Variants in ARHGDIA observed in about 807,000 individuals in gnomAD.
ARHGDIA encodes Rho GDP dissociation inhibitor alpha.
Under a neutral mutation model 25.0 loss-of-function variants are expected in ARHGDIA, and 9 were observed. The observed-to-expected ratio is 0.36, with a 90% CI of 0.22 to 0.63. ARHGDIA has a LOEUF of 0.63. ARHGDIA is among the 20% of genes least tolerant of loss of function. The pLI is 0.69. For missense variants in ARHGDIA, 239 were observed against 264.3 expected (o/e 0.90, Z 0.66); for synonymous variants, 166 against 111.5 (o/e 1.49, Z -3.08).
In ARHGDIA at chr17:81,869,219, C is replaced by T. The variant is rs543875480; in HGVS notation, c.369G>A (p.Val123=). The T allele has an allele frequency of 1.9e-4, 302 of 1,614,062 alleles. 5 individuals carry two copies. In the South Asian group the frequency reaches 2.7e-3, roughly 14 times the overall value. ...TATGCTGGATGTACTTCATGCCGGA[C>T]ACTATCTCTCGGTTAACCTGCAGGA... is the stretch of plus-strand genomic sequence containing the variant. The part of the protein sequence containing the change: ...KISFRVNREI[V]SGMKYIQHTY... The change falls in exon 5 of 6, where the codon GTG becomes GTA. Residue 123 remains valine (V), a synonymous_variant. Coordinates refer to ENST00000269321, the MANE Select transcript of ARHGDIA (RefSeq NM_004309.6).
At chr17:81,869,291 C>T (rs144351801) in intron 4 of ARHGDIA, 39 bp downstream of exon 4, 21 of 1,614,094 alleles carry the variant, frequency 1.3e-5, no homozygotes, top group African/African-American at 4.0e-5. Flanking sequence ...CAGCCCCAGC[C>T]CCGCCTCCAT....
intron 1 of ARHGDIA, 49 bp from the exon 2 acceptor site, chr17:81,870,006 C>A: frequency 6.4e-7 from 1 of 1,559,382 alleles, no homozygotes. Flanking sequence ...CCAACGGAGG[C>A]GCACTTCTGA....
chr17:81,869,187 C>T lies in ARHGDIA; in HGVS notation c.401G>A (p.Arg134Lys), dbSNP rs2039180412. ...GCCCCACTCACTCTTGACGCCTTTC[C>T]TGTACGTATGCTGGATGTACTTCAT... ...SGMKYIQHTYRKGVKIDKTDY... is the reference protein window; with the variant it reads ...SGMKYIQHTYKKGVKIDKTDY... The change falls in exon 5 of 6, where the codon AGG becomes AAG. Residue 134 changes from arginine to lysine, a missense_variant. Physicochemically the swap from Arg to Lys is conservative, Grantham distance 26 (BLOSUM62 2). Around this residue, in one of 3 missense-constraint regions of ARHGDIA, gnomAD observed 75 missense variants for 122.4 expected, o/e 0.61. Coordinates refer to ENST00000269321, the MANE Select transcript of ARHGDIA (RefSeq NM_004309.6). 1.9e-6 allele frequency: 3 copies of T among 1,614,104 alleles called. No homozygotes were observed. Among genetic ancestry groups the T allele is most frequent in the Admixed American group, 1.7e-5 (1 of 60,014 alleles).
chr17:81,871,267 C>T (rs2039291310), intron 1 of ARHGDIA, 31 bp downstream of exon 1: 1 of 151,072 alleles, frequency 6.6e-6, no homozygotes, highest in Non-Finnish European at 1.5e-5. Flanking sequence ...CGCCTCCGCC[C>T]CGCCGCCTCC....
chr17:81,869,166 C>T lies in ARHGDIA; in HGVS notation c.415+7G>A. ...GCCCCCTCTGCCCTGCCCGGGGCCC[C>T]ACTCACTCTTGACGCCTTTCCTGTA... On this transcript the variant is annotated splice_region_variant and intron_variant, in intron 5 of 5. Transcript: ENST00000269321. 1.2e-6 allele frequency: 2 copies of T among 1,613,840 alleles called. No homozygotes were observed. The highest frequency in any genetic ancestry group is 1.7e-6 in the Non-Finnish European group (2 of 1,179,920).
chr17:81,870,231 C>T, intron 1 of ARHGDIA: 1 of 416,176 alleles, frequency 2.4e-6, no homozygotes, highest in Middle Eastern at 6.6e-4. Flanking sequence ...GCAGCAGCCC[C>T]CTGTATGTGT....
In ARHGDIA at chr17:81,869,799, G is replaced by A. The variant is rs1341871808; in HGVS notation, c.132C>T (p.Asp44=). 3 of 1,614,058 alleles carry A rather than the reference G, an allele frequency of 1.9e-6. No individual in the cohort carries two copies. The Admixed American group carries it at 5.0e-5, about 27-fold the overall frequency. The change falls in exon 2 of 6, where the codon GAC becomes GAT. Residue 44 remains aspartate, a synonymous_variant. Transcript: ENST00000269321. The stretch of plus-strand genomic sequence containing the variant: ...CCTTGTACTTTCGCAGGCTCTCGTC[G>A]TCCTTGTCCAGCTCCTGGATCTCCT... ...SIQEIQELDK[D]DESLRKYKEA...
chr17:81,869,471 G>T, intron 3 of ARHGDIA, 65 bp from the exon 4 acceptor site: 1 of 1,610,576 alleles, frequency 6.2e-7, no homozygotes. Flanking sequence ...AGCCCTGCGC[G>T]GCCCCCTGGC....
In ARHGDIA at chr17:81,868,939, G is replaced by A. The variant is rs115573742; in HGVS notation, c.552C>T (p.Asp184=). The change falls in exon 6 of 6, where the codon GAC becomes GAT. Residue 184 remains aspartate (D), a synonymous_variant. Coordinates refer to ENST00000269321, the MANE Select transcript of ARHGDIA (RefSeq NM_004309.6). ...CCCAGGACAGGTGGTCGGTCTTGTC[G>A]TCGTCTGTGAAGCGGGACTTGATGC... The part of the protein sequence containing the change: ...SYSIKSRFTD[D]DKTDHLSWEW... 2.7e-4 allele frequency: 443 copies of A among 1,613,726 alleles called. 1 individual carries two copies. The African/African-American group carries it at 5.2e-3, about 19-fold the overall frequency.
rs2039133563 is a variant in ARHGDIA, at chr17:81,868,570, A to G, written c.*306T>C. On this transcript the variant is annotated 3_prime_UTR_variant, in exon 6 of 6. Coordinates refer to ENST00000269321, the MANE Select transcript of ARHGDIA (RefSeq NM_004309.6). ...CTCCTGAAGCCAGGCCTCGGGTGTG[A>G]CGGGGAGATAGAACCTGGGGGGCAC... 6.5e-7 allele frequency: 1 copy of G among 1,535,276 alleles called. No homozygotes were observed. Among genetic ancestry groups the G allele is most frequent in the Non-Finnish European group, 8.7e-7 (1 of 1,146,622 alleles).
chr17:81,868,622 G>C lies in ARHGDIA; in HGVS notation c.*254C>G. 5 of 1,535,448 alleles carry C rather than the reference G, an allele frequency of 3.3e-6. No homozygotes were observed. The highest frequency in any genetic ancestry group is 4.4e-6 in the Non-Finnish European group (5 of 1,146,754). On this transcript the variant is annotated 3_prime_UTR_variant, in exon 6 of 6. Transcript: ENST00000269321. ...GAAAGGGCAGCAGAGGCCTGGCTGC[G>C]GCCTCTCTCCCCCACAGCACAGGCA... is the stretch of plus-strand genomic sequence containing the variant.
Position 81,869,334 on chromosome 17 carries a change from A to C in ARHGDIA, c.347T>G (p.Phe116Cys). Residue 116 changes from phenylalanine to cysteine, a missense_variant, in exon 4 of 6, where the codon TTC becomes TGC. This residue lies in a region of ARHGDIA where 75 missense variants were observed against 122.4 expected (regional missense o/e 0.61). Coordinates refer to ENST00000269321, the MANE Select transcript of ARHGDIA (RefSeq NM_004309.6). ...EGVEYRIKISFRVNREIVSGM... is the reference protein window; with the variant it reads ...EGVEYRIKISCRVNREIVSGM... ...CCACAGCAGCCTGTAGCTTACCCGG[A>C]AAGAGATTTTTATCCGGTACTCCAC... The C allele has an allele frequency of 6.2e-7, 1 of 1,613,990 alleles. No individual in the cohort carries two copies. Among genetic ancestry groups the C allele is most frequent in the Non-Finnish European group, 8.5e-7 (1 of 1,179,958 alleles).
intron 1 of ARHGDIA, chr17:81,870,845 G>A (rs2039274671): frequency 6.6e-6 from 1 of 151,912 alleles, no homozygotes; most frequent in Non-Finnish European, 1.5e-5. Flanking sequence ...TGCCGGGCGT[G>A]GCCCGGGCGC....
At chr17:81,870,846 GCCCGGGCGCTGGGGGAGGCCGCGC>G (rs2039274832) in intron 1 of ARHGDIA, 1 of 151,900 alleles carries the variant, frequency 6.6e-6, no homozygotes, top group Admixed American at 6.6e-5. Context: ...GCCGGGCGTG[GCCCGGGCGCTGGGGGAGGCCGCGC>G]CCCAATCCCC....
At position 81,869,643 on chromosome 17, in the gene ARHGDIA, G is replaced by C; in HGVS notation, c.191-18C>G. Reference sequence around the variant, plus strand: ...GTTGGGGTCTGGGGAGTGACAGCAGGTGAGGGCCCCACCCCCACCAGTGGA... The same window carrying C: ...GTTGGGGTCTGGGGAGTGACAGCAGCTGAGGGCCCCACCCCCACCAGTGGA... On this transcript the variant is annotated intron_variant, in intron 2 of 5. Transcript: ENST00000269321. The C allele has an allele frequency of 6.6e-7, 1 of 1,520,132 alleles. No homozygotes were observed. The allele number at this position is 1,520,132 out of a possible 1,614,324, so 94.2% of individuals were successfully genotyped here.
rs1341287530 is a variant in ARHGDIA, at chr17:81,868,727, G to C, written c.*149C>G. 13 of 1,534,200 alleles carry C rather than the reference G, an allele frequency of 8.5e-6. No individual in the cohort carries two copies. The highest frequency in any genetic ancestry group is 2.7e-5 in the African/African-American group (2 of 72,990). The stretch of plus-strand genomic sequence containing the variant: ...CTGAGGAGGGGGGTCGGAGGCACTC[G>C]GTTGAGCCAGGCCAGGGAGGCGGAC... On this transcript the variant is annotated 3_prime_UTR_variant, in exon 6 of 6. Coordinates refer to ENST00000269321, the MANE Select transcript of ARHGDIA (RefSeq NM_004309.6).
At position 81,869,040 on chromosome 17, in the gene ARHGDIA, G is replaced by C; in HGVS notation, c.451C>G (p.Pro151Ala). ...KTDYMVGSYG[P>A]RAEEYEFLTP... The stretch of plus-strand genomic sequence containing the variant: ...AGGAACTCGTACTCCTCGGCCCGGG[G>C]CCCATAGCTGCCTACCATGTAGTCA... Residue 151 changes from proline (P) to alanine (A), a missense_variant, in exon 6 of 6, where the codon CCC becomes GCC. By Grantham distance (27) the Pro-to-Ala change is conservative. This residue lies in a region of ARHGDIA where 75 missense variants were observed against 122.4 expected (regional missense o/e 0.61). Coordinates refer to ENST00000269321, the MANE Select transcript of ARHGDIA (RefSeq NM_004309.6). The C allele has an allele frequency of 6.2e-7, 1 of 1,613,482 alleles. No individual in the cohort carries two copies. Among genetic ancestry groups the C allele is most frequent in the Non-Finnish European group, 8.5e-7 (1 of 1,179,912 alleles).
At position 81,868,648 on chromosome 17, in the gene ARHGDIA, G is replaced by C; in HGVS notation, c.*228C>G. ...GCCTCTCTCCCCCACAGCACAGGCA[G>C]AAGCAGCAACGAGACAGGAGACCGA... On this transcript the variant is annotated 3_prime_UTR_variant, in exon 6 of 6. Coordinates refer to ENST00000269321, the MANE Select transcript of ARHGDIA (RefSeq NM_004309.6). 4 of 1,535,260 alleles carry C rather than the reference G, an allele frequency of 2.6e-6. No individual in the cohort carries two copies. In the East Asian group the frequency reaches 9.8e-5, roughly 38 times the overall value.
rs2039105387 is a variant in ARHGDIA at position 81,868,157 on chromosome 17, T to C, written c.*719A>G. On this transcript the variant is annotated 3_prime_UTR_variant, in exon 6 of 6. Coordinates refer to ENST00000269321, the MANE Select transcript of ARHGDIA (RefSeq NM_004309.6). ...TGACTTGAGTTTTGGCAATTTGGCT[T>C]TCCCCAAGCCGCCGGAGCCATCTCC... The C allele has an allele frequency of 1.9e-6, 1 of 513,936 alleles. No homozygotes were observed. Among genetic ancestry groups the C allele is most frequent in the East Asian group, 3.1e-5 (1 of 32,602 alleles). The allele number at this position is 513,936 out of a possible 1,614,324, so 31.8% of individuals were successfully genotyped here. A position where few individuals can be genotyped will look rare whatever the true frequency, so the allele number is the denominator to read the frequency against.
Sources: allele counts gnomAD v4.1 joint callset, GRCh38; gene constraint gnomAD v4.1.1; regional missense constraint gnomAD v4.1.1; transcripts MANE v1.5; gene names NCBI Gene and HGNC (gene_info 2026-07-23, HGNC 2026-07-21).